The following ELMO1 variants were observed in gnomAD, a reference collection of about 807,000 sequenced individuals.
ELMO1 encodes the protein engulfment and cell motility protein 1.
In ELMO1, 26 loss-of-function variants were observed where a neutral mutation model predicts 98.9. The ratio of observed to expected loss-of-function variants is 0.26; its 90% CI spans 0.19 to 0.36. The LOEUF (loss-of-function observed/expected upper bound fraction) is 0.36. Among genes scored for constraint, ELMO1 ranks in the 10% least tolerant of loss-of-function variants. ELMO1 has a pLI of 1.00. For missense variants in ELMO1, 627 were observed against 935.2 expected, an observed-to-expected ratio of 0.67 and a Z score of 4.30; for synonymous variants, 346 against 346.0, an observed-to-expected ratio of 1.00 and a Z score of 0.00.
chr7:37,201,557 A>G (rs75336326), intron 13 of ELMO1, among the ~76,000 whole-genome samples: 2,046 of 152,324 alleles, frequency 0.013, 57 homozygotes, highest in African/African-American at 0.047. Flanking sequence ...TGCACATCCA[A>G]CAATGCTTCT....
chr7:37,031,896 C>A (rs888260031), intron 15 of ELMO1, among the ~76,000 whole-genome samples: 2 of 152,310 alleles, frequency 1.3e-5, no homozygotes, highest in Non-Finnish European at 1.5e-5. Context: ...TCCCCACTGG[C>A]AAAACAAAAC....
At chr7:36,867,427 C>A (rs1803119615) in intron 20 of ELMO1, among the ~76,000 whole-genome samples, 1 of 152,090 alleles carries the variant, frequency 6.6e-6, no homozygotes, top group South Asian at 2.1e-4. Flanking sequence ...GTTAGCCAGG[C>A]TAGAAGTTTA....
intron 15 of ELMO1, among the ~76,000 whole-genome samples, chr7:37,054,463 G>A (rs1796287795): frequency 6.6e-6 from 1 of 152,194 alleles, no homozygotes; most frequent in Admixed American, 6.5e-5. Context: ...GCACTGCAAG[G>A]AAGAAGGTAG....
intron 16 of ELMO1, among the ~76,000 whole-genome samples, chr7:36,952,765 C>A (rs1788074700): frequency 6.6e-6 from 1 of 151,930 alleles, no homozygotes; most frequent in African/African-American, 2.4e-5. Context: ...AAGAGAAATT[C>A]TACTGGTGTG....
At chr7:37,005,555 C>T (rs375535394) in intron 16 of ELMO1, among the ~76,000 whole-genome samples, 2 of 151,700 alleles carry the variant, frequency 1.3e-5, no homozygotes, top group African/African-American at 2.4e-5. Context: ...AACCAGGCCT[C>T]GTGGCGGGCG....
intron 1 of ELMO1, among the ~76,000 whole-genome samples, chr7:37,447,374 T>C (rs1351293300): frequency 6.6e-6 from 1 of 152,000 alleles, no homozygotes; most frequent in Non-Finnish European, 1.5e-5. Flanking sequence ...GCCCGAATCA[T>C]TCAAGGCCAG....
intron 15 of ELMO1, among the ~76,000 whole-genome samples, chr7:37,043,435 G>A (rs932611352): frequency 6.6e-6 from 1 of 152,188 alleles, no homozygotes; most frequent in African/African-American, 2.4e-5. Flanking sequence ...GCCAGGGCCA[G>A]GTGTTGGGGG....
intron 4 of ELMO1, among the ~76,000 whole-genome samples, chr7:37,281,805 CA>C (rs1323346859): frequency 6.6e-6 from 1 of 152,144 alleles, no homozygotes; most frequent in Non-Finnish European, 1.5e-5. Context: ...GCCAGCTTCT[CA>C]AAAATGATGA....
At chr7:36,978,678 C>A (rs1790789741) in intron 16 of ELMO1, among the ~76,000 whole-genome samples, 1 of 152,192 alleles carries the variant, frequency 6.6e-6, no homozygotes, top group Non-Finnish European at 1.5e-5. Flanking sequence ...TGGCAGGTCA[C>A]AGCCTTCTTG....
intron 2 of ELMO1, among the ~76,000 whole-genome samples, chr7:37,338,430 C>T (rs555354813): frequency 6.6e-6 from 1 of 152,322 alleles, no homozygotes; most frequent in Admixed American, 6.5e-5. Context: ...AACAAGCCCT[C>T]ATCACACACC....
rs180762889 is a variant in ELMO1, at chr7:37,254,196, T to C, written c.413+4985A>G. ...CTCCATCCCCGAAAATAGCGTAACT[T>C]TGAATTTACATAAAACAGGAAGGGG... is the stretch of plus-strand genomic sequence containing the variant. On this transcript the variant is annotated intron_variant, in intron 6 of 21. Coordinates refer to ENST00000310758, the MANE Select transcript of ELMO1 (RefSeq NM_014800.11). 4.6e-5 allele frequency among the ~76,000 whole-genome samples: 7 copies of C among 152,190 alleles called. No individual in the cohort carries two copies. The East Asian group carries it at 1.2e-3, about 25-fold the overall frequency.
At chr7:37,302,004 G>A (rs1165485025) in intron 4 of ELMO1, among the ~76,000 whole-genome samples, 1 of 152,126 alleles carries the variant, frequency 6.6e-6, no homozygotes, top group African/African-American at 2.4e-5. Flanking sequence ...TTAACCTTCG[G>A]ATAACTTCTG....
rs776767360 is a variant in ELMO1 at position 36,870,425 on chromosome 7, T to C, written c.1873A>G (p.Met625Val). The part of the protein sequence containing the change: ...AVVTGKDCPH[M>V]KEKGALKQNK... Reference sequence around the variant, plus strand: ...TGTTTAAGGGCACCTTTCTCTTTCATATGAGGGCAGTCCTTTCCCGTCACC... The same window carrying C: ...TGTTTAAGGGCACCTTTCTCTTTCACATGAGGGCAGTCCTTTCCCGTCACC... The change falls in exon 20 of 22, where the codon ATG (methionine) becomes GTG (valine). Residue 625 changes from methionine (M) to valine (V), a missense_variant. Transcript: ENST00000310758. The surrounding 1 kb of genome is among the most constrained non-coding windows in gnomAD (Gnocchi z 4.4). 6.2e-7 allele frequency: 1 copy of C among 1,614,122 alleles called. No individual in the cohort carries two copies. The highest frequency in any genetic ancestry group is 1.3e-5 in the African/African-American group (1 of 75,046).
At chr7:37,297,466 G>T (rs908377541) in intron 4 of ELMO1, among the ~76,000 whole-genome samples, 3 of 151,904 alleles carry the variant, frequency 2.0e-5, no homozygotes, top group Non-Finnish European at 2.9e-5. Context: ...CACCTAGGGG[G>T]TCCTCCATAA....
In ELMO1 at chr7:36,950,260, G is replaced by A. The variant is rs369186704; in HGVS notation, c.1438-55243C>T. 6.6e-5 allele frequency among the ~76,000 whole-genome samples: 10 copies of A among 152,212 alleles called. 1 individual carries two copies. In the South Asian group the frequency reaches 2.1e-3, roughly 32 times the overall value. ...TATTAACATCTGTGAGAGACAGAGG[G>A]AATGTTTCCTTCAGCCCTGTGAGCA... is the stretch of plus-strand genomic sequence containing the variant. On this transcript the variant is annotated intron_variant, in intron 16 of 21. Coordinates refer to ENST00000310758, the MANE Select transcript of ELMO1 (RefSeq NM_014800.11).
chr7:37,294,431 A>C (rs1797927682), intron 4 of ELMO1, among the ~76,000 whole-genome samples: 1 of 152,134 alleles, frequency 6.6e-6, no homozygotes, highest in Non-Finnish European at 1.5e-5. Context: ...CTATGCAAAC[A>C]AGCACTGGTC....
intron 4 of ELMO1, among the ~76,000 whole-genome samples, chr7:37,306,944 A>C (rs534748638): frequency 1.3e-5 from 2 of 152,302 alleles, no homozygotes; most frequent in East Asian, 3.9e-4. Context: ...CAAAAATCAT[A>C]TTCCTAATAA....
In ELMO1 at chr7:37,102,855, G is replaced by A. The variant is rs116029727; in HGVS notation, c.1192-6128C>T. On this transcript the variant is annotated intron_variant, in intron 14 of 21. Transcript: ENST00000310758. Reference sequence around the variant, plus strand: ...ACCAATTCCTATTGAAAACAGAAAGGGTGAAATATTACAGTAATAAAGCTT... The same window carrying A: ...ACCAATTCCTATTGAAAACAGAAAGAGTGAAATATTACAGTAATAAAGCTT... Among the ~76,000 whole-genome samples, 517 of 152,248 alleles carry A rather than the reference G, an allele frequency of 3.4e-3. 8 individuals are homozygous for A. The highest frequency in any genetic ancestry group is 0.012 in the African/African-American group (489 of 41,554).
In ELMO1 at chr7:37,268,264, AG is replaced by A. The variant is rs376924808; in HGVS notation, c.243+3567del. The stretch of plus-strand genomic sequence containing the variant: ...GCTCCCCAAATCCTGACTGCTCCAA[AG>A]GTCACACACATTTGCACACATTCTC... On this transcript the variant is annotated intron_variant, in intron 5 of 21. Transcript: ENST00000310758. 2.6e-5 allele frequency among the ~76,000 whole-genome samples: 4 copies of A among 152,268 alleles called. No individual in the cohort carries two copies. In the East Asian group the frequency reaches 7.7e-4, roughly 29 times the overall value.
Sources: allele counts gnomAD v4.1 joint callset (sites outside exome capture counted in the v4.1 genomes callset), GRCh38; gene constraint gnomAD v4.1.1; non-coding constraint Gnocchi (gnomAD v3.1); transcripts MANE v1.5; gene names NCBI Gene and HGNC (gene_info 2026-07-23, HGNC 2026-07-21).